Variants in TPTE2 observed in about 807,000 individuals in gnomAD.
TPTE2 encodes the protein transmembrane phosphoinositide 3-phosphatase and tensin homolog 2.
Under a neutral mutation model 78.6 loss-of-function variants are expected in TPTE2, and 53 were observed. The observed-to-expected ratio is 0.67, with a 90% CI of 0.54 to 0.85. TPTE2 has a LOEUF of 0.85. TPTE2 is among the 40% of genes least tolerant of loss of function. The pLI, the probability that TPTE2 is intolerant of heterozygous loss-of-function variation, is 0.00. For synonymous variants in TPTE2, 175 were observed against 206.2 expected (o/e 0.85, Z 1.30); for missense variants, 461 against 623.0 (o/e 0.74, Z 2.77).
At chr13:19,554,541 T>A in the TPTE2 span, among the ~76,000 whole-genome samples, 1 of 152,104 alleles carries the variant, frequency 6.6e-6, no homozygotes, top group Non-Finnish European at 1.5e-5. Flanking sequence ...TCATTTATAT[T>A]TTCTCTTTTA....
intron 19 of TPTE2, among the ~76,000 whole-genome samples, chr13:19,423,994 C>A (rs185162567): frequency 1.6e-3 from 245 of 152,292 alleles, no homozygotes; most frequent in African/African-American, 5.7e-3. Flanking sequence ...TCCATCAAAT[C>A]CAAAGTTGAC....
intron 10 of TPTE2, among the ~76,000 whole-genome samples, chr13:19,462,008 T>A (rs1165675584): frequency 6.6e-6 from 1 of 151,120 alleles, no homozygotes; most frequent in African/African-American, 2.4e-5. Context: ...TTACATTACA[T>A]TCAAGGTTAC....
At chr13:19,454,283 A>G (rs188152705) in intron 10 of TPTE2, among the ~76,000 whole-genome samples, 1 of 152,350 alleles carries the variant, frequency 6.6e-6, no homozygotes, top group East Asian at 1.9e-4. Flanking sequence ...AAGGGGAATC[A>G]CATGACTGTT....
chr13:19,561,486 C>T, the TPTE2 span, among the ~76,000 whole-genome samples: 1 of 152,134 alleles, frequency 6.6e-6, no homozygotes, highest in Non-Finnish European at 1.5e-5. Flanking sequence ...CCGACGCCCG[C>T]GGGAGACCGC....
intron 10 of TPTE2, among the ~76,000 whole-genome samples, chr13:19,457,538 C>T: frequency 6.6e-6 from 1 of 151,968 alleles, no homozygotes; most frequent in East Asian, 1.9e-4. Context: ...CCTCCCTCCC[C>T]ACAGGCCCCA....
intron 9 of TPTE2, 143 bp from the exon 13 acceptor site, chr13:19,464,663 AG>A: frequency 1.2e-6 from 1 of 819,368 alleles, no homozygotes. Flanking sequence ...GCTAATACTC[AG>A]GATAATCAAA....
Position 19,475,561 on chromosome 13 carries a change from T to C in TPTE2, c.230+12A>G. 3.1e-6 allele frequency: 5 copies of C among 1,607,458 alleles called. No homozygotes were observed. Among genetic ancestry groups the C allele is most frequent in the Non-Finnish European group, 4.2e-6 (5 of 1,177,488 alleles). On this transcript the variant is annotated intron_variant, in intron 5 of 19. Coordinates refer to ENST00000400230, the Ensembl canonical transcript of TPTE2. The stretch of plus-strand genomic sequence containing the variant: ...TATATTTAATACATGGTGTTTTCTA[T>C]GTCTCACATACCCAAATGCAAAGGA...
chr13:19,466,629 C>T (rs1219970610), intron 7 of TPTE2, among the ~76,000 whole-genome samples: 1 of 152,224 alleles, frequency 6.6e-6, no homozygotes, highest in Non-Finnish European at 1.5e-5. Flanking sequence ...CACAACTATA[C>T]TGCAAAACTC....
At chr13:19,438,189 T>C (rs1593353120) in intron 13 of TPTE2, 36 bp from the exon 17 acceptor site, 3 of 1,597,936 alleles carry the variant, frequency 1.9e-6, no homozygotes, top group Non-Finnish European at 2.6e-6. Context: ...AGAACATACA[T>C]GGTATAAAAA....
upstream of TPTE2, among the ~76,000 whole-genome samples, chr13:19,541,594 T>C (rs914680695): frequency 1.3e-5 from 2 of 152,262 alleles, no homozygotes; most frequent in African/African-American, 4.8e-5. Context: ...TAAATGCCAC[T>C]TATCAGGTTT....
intron 10 of TPTE2, among the ~76,000 whole-genome samples, chr13:19,453,682 A>T (rs1373083467): frequency 6.6e-6 from 1 of 152,008 alleles, no homozygotes; most frequent in African/African-American, 2.4e-5. Flanking sequence ...TCTAGAAAAA[A>T]TTCAACTCTG....
At chr13:19,438,117 G>A (rs1270446856) in exon 14 of TPTE2, 2 of 1,607,634 alleles carry the variant, frequency 1.2e-6, no homozygotes, top group Admixed American at 3.4e-5. Context: ...TATTTCGGAG[G>A]CAATAAGGAG....
chr13:19,478,590 A>G (rs1005294551), intron 4 of TPTE2, among the ~76,000 whole-genome samples: 1 of 152,232 alleles, frequency 6.6e-6, no homozygotes. Context: ...ACCATTGTGG[A>G]AGACAGTGTG....
At chr13:19,493,332 G>GATGC in intron 2 of TPTE2, 116 bp downstream of exon 5, 1 of 699,282 alleles carries the variant, frequency 1.4e-6, no homozygotes, top group Non-Finnish European at 2.3e-6. Flanking sequence ...TGGATGGATG[G>GATGC]ATGGATGGAT....
rs568416507 is a variant in TPTE2, at chr13:19,464,517, C to T, written c.680G>A (p.Arg227His). Residue 227 changes from arginine to histidine, a missense_variant, in exon 10 of 20, where the codon CGT becomes CAT. Arg to His is a conservative substitution (Grantham distance 29, BLOSUM62 0). Coordinates refer to ENST00000400230, the Ensembl canonical transcript of TPTE2. The stretch of plus-strand genomic sequence containing the variant: ...AGATGGAAATGACATAGCAATAATA[C>T]GTTCTGAAAGTCAAAATCATCACTA... 31 of 1,612,338 alleles carry T rather than the reference C, an allele frequency of 1.9e-5. No homozygotes were observed. Among genetic ancestry groups the T allele is most frequent in the South Asian group, 1.9e-4 (17 of 90,820 alleles).
intron 1 of TPTE2, among the ~76,000 whole-genome samples, chr13:19,497,163 T>C (rs1368794573): frequency 6.6e-6 from 1 of 151,704 alleles, no homozygotes; most frequent in Non-Finnish European, 1.5e-5. Context: ...CCACGGAGTC[T>C]CGCTGATTGC....
At chr13:19,422,988 A>G in exon 20 of TPTE2, 1 of 1,574,630 alleles carries the variant, frequency 6.4e-7, no homozygotes, top group Non-Finnish European at 8.6e-7. Flanking sequence ...AGGGGTTGGA[A>G]AGAACATAAT....
chr13:19,558,759 T>G, the TPTE2 span, among the ~76,000 whole-genome samples: 2 of 152,192 alleles, frequency 1.3e-5, no homozygotes, highest in African/African-American at 4.8e-5. Context: ...AAACAAGAAT[T>G]AGCTAGCTTA....
chr13:19,436,834 C>T (rs1877126784), intron 14 of TPTE2, among the ~76,000 whole-genome samples: 2 of 152,080 alleles, frequency 1.3e-5, no homozygotes, highest in Admixed American at 6.5e-5. Flanking sequence ...TCTGGTCCAA[C>T]CCTTCTTTCC....
Sources: allele counts gnomAD v4.1 joint callset (sites outside exome capture counted in the v4.1 genomes callset), GRCh38; gene constraint gnomAD v4.1.1; transcripts MANE v1.5; gene names NCBI Gene and HGNC (gene_info 2026-07-23, HGNC 2026-07-21).